RSF1: variants seen among roughly 807,000 people sequenced by gnomAD.
RSF1 encodes the protein HBV pX-associated protein 8.
Under a neutral mutation model 145.2 loss-of-function variants are expected in RSF1, and 13 were observed. The ratio of observed to expected loss-of-function variants is 0.09; its 90% CI spans 0.06 to 0.14. RSF1 has a LOEUF of 0.14. Among genes scored for constraint, RSF1 ranks in the 10% least tolerant of loss-of-function variants. The pLI, the probability that RSF1 is intolerant of heterozygous loss-of-function variation, is 1.00. For synonymous variants in RSF1, 577 were observed against 592.6 expected (o/e 0.97, Z 0.38); for missense variants, 1,517 against 1,718.2 (o/e 0.88, Z 2.07).
intron 1 of RSF1, among the ~76,000 whole-genome samples, chr11:77,787,064 A>G (rs1263095904): frequency 6.6e-6 from 1 of 152,222 alleles, no homozygotes; most frequent in Non-Finnish European, 1.5e-5. Context: ...AGCTGCAGAG[A>G]GTACTCTGGA....
Position 77,666,844 on chromosome 11 carries a change from CA to C in RSF1, c.*72del, listed in dbSNP as rs1959373978. 7.8e-7 allele frequency: 1 copy of C among 1,275,574 alleles called. No homozygotes were observed. Among genetic ancestry groups the C allele is most frequent in the South Asian group, 1.9e-5 (1 of 52,762 alleles). The allele number at this position is 1,275,574 out of a possible 1,614,324, so 79.0% of individuals were successfully genotyped here. ...GTGGAGTTTTCTAGGAAAAATTAAACAGCTTTTAATAACTGGCCCGCTGGTG... is the reference window on the plus strand; with the variant it reads ...GTGGAGTTTTCTAGGAAAAATTAAACGCTTTTAATAACTGGCCCGCTGGTG... On this transcript the variant is annotated 3_prime_UTR_variant, in exon 16 of 16. Coordinates refer to ENST00000308488, the MANE Select transcript of RSF1 (RefSeq NM_016578.4).
chr11:77,763,755 T>C (rs1948198760), intron 2 of RSF1: 1 of 152,078 alleles, frequency 6.6e-6, no homozygotes, highest in South Asian at 2.1e-4. Context: ...ATAAGTTGGC[T>C]AGGAAAACAA....
chr11:77,814,208 A>AAG (rs113708183), intron 1 of RSF1, among the ~76,000 whole-genome samples: 195 of 147,934 alleles, frequency 1.3e-3, no homozygotes, highest in Non-Finnish European at 1.4e-3. Flanking sequence ...AAAAAAAAAA[A>AAG]AAGTTTTGGC....
At chr11:77,768,162 T>A (rs912929967) in intron 1 of RSF1, among the ~76,000 whole-genome samples, 6 of 88,754 alleles carry the variant, frequency 6.8e-5, no homozygotes, top group Non-Finnish European at 2.0e-5. Flanking sequence ...TATTATCAGC[T>A]TTTTTTTTTT....
chr11:77,748,703 C>T (rs1406199867), intron 2 of RSF1, among the ~76,000 whole-genome samples: 1 of 152,148 alleles, frequency 6.6e-6, no homozygotes, highest in Non-Finnish European at 1.5e-5. Flanking sequence ...TGAATGCTCA[C>T]AGGTTGTTAC....
chr11:77,842,592 T>C, the RSF1 span: 628,046 of 1,613,210 alleles, frequency 0.39, 123,830 homozygotes, highest in African/African-American at 0.53. Flanking sequence ...GGCCAGGGGG[T>C]AGTCGGACTT....
At chr11:77,852,240 AAGAAG>A in the RSF1 span, among the ~76,000 whole-genome samples, 1 of 125,002 alleles carries the variant, frequency 8.0e-6, no homozygotes, top group Non-Finnish European at 1.7e-5. Flanking sequence ...AAAAAAAAAA[AAGAAG>A]AAGAAGAAGA....
chr11:77,777,462 G>A (rs530084771), intron 1 of RSF1, among the ~76,000 whole-genome samples: 37 of 152,104 alleles, frequency 2.4e-4, no homozygotes, highest in African/African-American at 8.4e-4. Flanking sequence ...GCGTGGTGGC[G>A]GGCGCCTGTA....
chr11:77,853,010 C>T, the RSF1 span, among the ~76,000 whole-genome samples: 99 of 152,146 alleles, frequency 6.5e-4, 1 homozygote, highest in Non-Finnish European at 5.7e-4. Context: ...TAACCATGTA[C>T]ATTTTTTTTT....
At chr11:77,696,505 T>C (rs944513563) in intron 7 of RSF1, among the ~76,000 whole-genome samples, 1 of 152,244 alleles carries the variant, frequency 6.6e-6, no homozygotes, top group Non-Finnish European at 1.5e-5. Flanking sequence ...ATCTACCATA[T>C]TTGGGATCTT....
chr11:77,801,198 T>C (rs998241821), intron 1 of RSF1, among the ~76,000 whole-genome samples: 2 of 151,968 alleles, frequency 1.3e-5, no homozygotes, highest in African/African-American at 4.8e-5. Context: ...GACACCAAGG[T>C]GGCTGGATCA....
At chr11:77,684,988 GAAATAAATAAAT>G (rs112115163) in intron 10 of RSF1, 105 bp downstream of exon 10, 6 of 459,488 alleles carry the variant, frequency 1.3e-5, no homozygotes, top group Admixed American at 9.2e-5. Flanking sequence ...ACTCCATCTC[GAAATAAATAAAT>G]AAATAAATAA....
At chr11:77,774,912 G>A (rs1008384672) in intron 1 of RSF1, among the ~76,000 whole-genome samples, 67 of 150,340 alleles carry the variant, frequency 4.5e-4, no homozygotes, top group African/African-American at 1.6e-3. Context: ...GATTACAGGC[G>A]CCCGCCACCA....
chr11:77,707,638 C>G (rs987603508), intron 5 of RSF1, among the ~76,000 whole-genome samples: 18 of 152,114 alleles, frequency 1.2e-4, no homozygotes, highest in African/African-American at 4.3e-4. Flanking sequence ...AACCAACCAG[C>G]AAAGTTTTTA....
At chr11:77,740,288 T>C (rs144790787) in intron 4 of RSF1, among the ~76,000 whole-genome samples, 1,765 of 152,278 alleles carry the variant, frequency 0.012, 37 homozygotes, top group African/African-American at 0.038. Flanking sequence ...GGCAGGAGAA[T>C]TGCTTGAACC....
intron 15 of RSF1, among the ~76,000 whole-genome samples, chr11:77,670,559 T>C (rs1484797772): frequency 2.0e-5 from 3 of 152,220 alleles, no homozygotes; most frequent in South Asian, 2.1e-4. Flanking sequence ...AAGAGTTTCA[T>C]AAGAGCTATT....
chr11:77,751,531 C>G (rs1477322069), intron 2 of RSF1, among the ~76,000 whole-genome samples: 1 of 152,228 alleles, frequency 6.6e-6, no homozygotes, highest in Non-Finnish European at 1.5e-5. Context: ...GAATATCTTT[C>G]TGAAGGACCT....
At chr11:77,824,655 A>G (rs1227715120), upstream of RSF1, among the ~76,000 whole-genome samples, 1 of 152,330 alleles carries the variant, frequency 6.6e-6, no homozygotes, top group East Asian at 1.9e-4. Context: ...CATCAATATG[A>G]AGGTCAAAAC....
intron 11 of RSF1, among the ~76,000 whole-genome samples, chr11:77,680,069 T>C (rs142238831): frequency 1.1e-4 from 16 of 152,202 alleles, no homozygotes; most frequent in African/African-American, 3.6e-4. Context: ...ATCAAAGAAA[T>C]AGATTCTATT....
Sources: gnomAD v4.1 joint callset for allele counts (sites outside exome capture counted in the v4.1 genomes callset) on GRCh38, gnomAD v4.1.1 for gene constraint, MANE v1.5 for transcripts, NCBI Gene and HGNC (gene_info 2026-07-23, HGNC 2026-07-21) for gene names.